The following RIT2 variants were observed in gnomAD, a reference collection of about 807,000 sequenced individuals.
RIT2 encodes GTP-binding protein Rit2.
Under a neutral mutation model 23.7 loss-of-function variants are expected in RIT2, and 24 were observed. The observed-to-expected ratio is 1.01, with a 90% CI of 0.73 to 1.43. The LOEUF (loss-of-function observed/expected upper bound fraction) is 1.43. RIT2 is among the 40% of genes most tolerant of loss of function. The pLI is 0.00. For missense variants in RIT2, 236 were observed against 266.9 expected (o/e 0.88, Z 0.81); for synonymous variants, 107 against 91.1 (o/e 1.17, Z -0.99).
intron 1 of RIT2, among the ~76,000 whole-genome samples, chr18:43,039,885 G>A (rs1912087158): frequency 6.6e-6 from 1 of 152,066 alleles, no homozygotes; most frequent in African/African-American, 2.4e-5. Flanking sequence ...CTGAAAATGA[G>A]TAATTAATTT....
At chr18:42,800,395 G>A (rs1190515550) in intron 4 of RIT2, among the ~76,000 whole-genome samples, 1 of 152,062 alleles carries the variant, frequency 6.6e-6, no homozygotes, top group East Asian at 1.9e-4. Context: ...GTACTTCAGG[G>A]ATTAATATTT....
intron 3 of RIT2, among the ~76,000 whole-genome samples, chr18:42,940,509 G>A (rs1909576280): frequency 6.6e-6 from 1 of 151,448 alleles, no homozygotes; most frequent in South Asian, 2.1e-4. Context: ...CGTATGGCTG[G>A]CTTCCAGGTC....
intron 1 of RIT2, among the ~76,000 whole-genome samples, chr18:43,105,653 T>G (rs1047724832): frequency 2.6e-5 from 4 of 152,142 alleles, no homozygotes; most frequent in African/African-American, 9.7e-5. Flanking sequence ...AAAGGGAGAC[T>G]CAAAGAGCTT....
intron 1 of RIT2, among the ~76,000 whole-genome samples, chr18:43,051,019 C>T (rs113951491): frequency 6.6e-5 from 10 of 152,182 alleles, no homozygotes; most frequent in African/African-American, 2.2e-4. Flanking sequence ...AGAACCCCAA[C>T]GTGAAGCCAG....
chr18:42,866,061 T>A, intron 4 of RIT2, among the ~76,000 whole-genome samples: 1 of 152,296 alleles, frequency 6.6e-6, no homozygotes, highest in East Asian at 1.9e-4. Flanking sequence ...ATTTCTTTTG[T>A]GTAAAGCCAT....
At chr18:42,789,712 T>C (rs1336128892) in intron 4 of RIT2, among the ~76,000 whole-genome samples, 1 of 152,198 alleles carries the variant, frequency 6.6e-6, no homozygotes, top group African/African-American at 2.4e-5. Context: ...TTATTAAACT[T>C]AAGAATTTGT....
At chr18:42,905,608 G>T (rs1303481842) in intron 4 of RIT2, among the ~76,000 whole-genome samples, 3 of 152,068 alleles carry the variant, frequency 2.0e-5, no homozygotes, top group Non-Finnish European at 4.4e-5. Flanking sequence ...AAGTAGCTGG[G>T]ATTACAGTTG....
At chr18:42,884,161 G>T (rs1017456119) in intron 4 of RIT2, among the ~76,000 whole-genome samples, 10 of 152,188 alleles carry the variant, frequency 6.6e-5, no homozygotes, top group Non-Finnish European at 1.5e-4. Context: ...TTTCTAAGAA[G>T]ATGTGAGTAA....
At chr18:42,840,346 G>A (rs1428007032) in intron 4 of RIT2, among the ~76,000 whole-genome samples, 1 of 152,066 alleles carries the variant, frequency 6.6e-6, no homozygotes, top group African/African-American at 2.4e-5. Context: ...TGGGCATCTA[G>A]TGTTTTCATT....
intron 1 of RIT2, among the ~76,000 whole-genome samples, chr18:43,035,589 GT>G (rs1005882858): frequency 8.4e-4 from 128 of 152,228 alleles, no homozygotes; most frequent in African/African-American, 2.9e-3. Flanking sequence ...TGCTAAATCA[GT>G]TTAGAGAGCA....
chr18:43,089,591 A>T (rs1042782159), intron 1 of RIT2, among the ~76,000 whole-genome samples: 145 of 146,536 alleles, frequency 9.9e-4, no homozygotes, highest in African/African-American at 3.5e-3. Flanking sequence ...AAAAAAAAAT[A>T]AAAAAAAAAA....
intron 4 of RIT2, among the ~76,000 whole-genome samples, chr18:42,793,783 T>A (rs1914094286): frequency 6.6e-6 from 1 of 152,200 alleles, no homozygotes; most frequent in Non-Finnish European, 1.5e-5. Context: ...AAAAGAGTGA[T>A]CCACTGGGTC....
chr18:43,100,979 ATG>A lies in RIT2; in HGVS notation c.103+14436_103+14437del, dbSNP rs771635734. 3.8e-4 allele frequency among the ~76,000 whole-genome samples: 57 copies of A among 151,958 alleles called. 1 individual carries two copies. Among genetic ancestry groups the A allele is most frequent in the South Asian group, 2.1e-3 (10 of 4,818 alleles). ...TATACACACACATGCACAGACATAT[ATG>A]TGTGTGTGTTTGTATTCACACATAA... On this transcript the variant is annotated intron_variant, in intron 1 of 4. Coordinates refer to ENST00000326695, the MANE Select transcript of RIT2 (RefSeq NM_002930.4).
intron 1 of RIT2, among the ~76,000 whole-genome samples, chr18:43,061,260 T>C (rs1912638163): frequency 6.6e-6 from 1 of 152,194 alleles, no homozygotes; most frequent in African/African-American, 2.4e-5. Context: ...ACAATTATTT[T>C]CACTAGACTA....
chr18:42,940,361 T>G (rs1018125051), intron 3 of RIT2, among the ~76,000 whole-genome samples: 7 of 147,430 alleles, frequency 4.7e-5, no homozygotes, highest in African/African-American at 1.7e-4. Context: ...TATTATGTAT[T>G]CACTAACATT....
chr18:43,013,227 C>A (rs1225739007), intron 2 of RIT2, among the ~76,000 whole-genome samples: 1 of 151,736 alleles, frequency 6.6e-6, no homozygotes, highest in Non-Finnish European at 1.5e-5. Context: ...AATTCTGGCA[C>A]TTTTGTTTAA....
At chr18:43,090,023 G>A (rs536377965) in intron 1 of RIT2, among the ~76,000 whole-genome samples, 121 of 152,090 alleles carry the variant, frequency 8.0e-4, no homozygotes, top group African/African-American at 2.9e-3. Context: ...TGCAACAAAA[G>A]CAAAAATTGA....
At chr18:42,896,693 TTGTC>T (rs1197110176) in intron 4 of RIT2, among the ~76,000 whole-genome samples, 4 of 152,220 alleles carry the variant, frequency 2.6e-5, no homozygotes, top group Non-Finnish European at 5.9e-5. Flanking sequence ...GAAGTCTAGA[TTGTC>T]TGGAGGAACT....
intron 4 of RIT2, among the ~76,000 whole-genome samples, chr18:42,872,836 C>CA (rs1907653509): frequency 6.6e-6 from 1 of 152,108 alleles, no homozygotes; most frequent in African/African-American, 2.4e-5. Context: ...TTTCATGCAG[C>CA]ACTTGTTTTT....
Sources: gnomAD v4.1 joint callset for allele counts (sites outside exome capture counted in the v4.1 genomes callset) on GRCh38, gnomAD v4.1.1 for gene constraint, MANE v1.5 for transcripts, NCBI Gene and HGNC (gene_info 2026-07-23, HGNC 2026-07-21) for gene names.